Variants in FBN1 observed in about 807,000 individuals in gnomAD.
FBN1 encodes the protein fibrillin 1, also known as fibrillin-1.
A neutral mutation model predicts 365.1 loss-of-function variants in FBN1; 29 were observed. The ratio of observed to expected loss-of-function variants is 0.08; its 90% CI spans 0.06 to 0.11. FBN1 has a LOEUF of 0.11. FBN1 is among the 10% of genes least tolerant of loss of function. The pLI is 1.00. For missense variants in FBN1, 2,476 were observed against 3,703.2 expected (o/e 0.67, Z 8.60); for synonymous variants, 1,210 against 1,270.5 (o/e 0.95, Z 1.01).
chr15:48,581,957 G>A (rs1489985978), intron 6 of FBN1, among the ~76,000 whole-genome samples: 3 of 152,118 alleles, frequency 2.0e-5, no homozygotes, highest in African/African-American at 7.2e-5. Flanking sequence ...AAATATGAAG[G>A]GTTGCCCCAA....
At chr15:48,568,808 G>A (rs954008018) in intron 6 of FBN1, among the ~76,000 whole-genome samples, 1 of 152,078 alleles carries the variant, frequency 6.6e-6, no homozygotes, top group Non-Finnish European at 1.5e-5. Context: ...CAAAACAGTT[G>A]ACCCTCACCT....
At chr15:48,584,499 T>C (rs1403685172) in intron 6 of FBN1, among the ~76,000 whole-genome samples, 1 of 152,254 alleles carries the variant, frequency 6.6e-6, no homozygotes, top group Non-Finnish European at 1.5e-5. Context: ...CACTATCATT[T>C]TGTCTCATTC....
At position 48,421,610 on chromosome 15, in the gene FBN1, G is replaced by A. The variant is rs1184032259; in HGVS notation, c.7647C>T (p.Thr2549=). The A allele has an allele frequency of 1.9e-6, 3 of 1,613,728 alleles. No homozygotes were observed. The Admixed American group carries it at 5.0e-5, about 27-fold the overall frequency. ...GICQNTPGSF[T]CECQRGFSLD... is the part of the protein sequence containing the mutation. ...GTGAGAATCCCCGCTGGCATTCACA[G>A]GTGAAGCTTCCAGGAGTGTTCTGGC... The change falls in exon 62 of 66, where the codon ACC becomes ACT. Residue 2549 remains threonine (T), a synonymous_variant. Transcript: ENST00000316623.
chr15:48,455,864 CAT>C (rs938906882), intron 44 of FBN1, among the ~76,000 whole-genome samples: 1 of 152,028 alleles, frequency 6.6e-6, no homozygotes, highest in Non-Finnish European at 1.5e-5. Context: ...AAAATGTTGA[CAT>C]ATGTGCTATA....
At chr15:48,513,295 A>G (rs777631912) in intron 13 of FBN1, among the ~76,000 whole-genome samples, 1 of 152,254 alleles carries the variant, frequency 6.6e-6, no homozygotes, top group African/African-American at 2.4e-5. Flanking sequence ...AGGCAATAAT[A>G]GTGACGAGAC....
In FBN1 at chr15:48,487,088, C is replaced by A; in HGVS notation, c.3576G>T (p.Arg1192Ser). 1 of 1,611,732 alleles carries A rather than the reference C, an allele frequency of 6.2e-7. No homozygotes were observed. Among genetic ancestry groups the A allele is most frequent in the Non-Finnish European group, 8.5e-7 (1 of 1,178,906 alleles). The change falls in exon 29 of 66, where the codon AGG (arginine) becomes AGT (serine). Residue 1192 changes from arginine to serine, a missense_variant. Physicochemically the swap from Arg to Ser is moderately radical, Grantham distance 110. Around this residue, in one of 5 missense-constraint regions of FBN1, gnomAD observed 1,780 missense variants for 2,840.8 expected, o/e 0.63. Transcript: ENST00000316623. The part of the protein sequence containing the change: ...CNPGYHSTPD[R>S]LFCVDIDECS... Reference sequence around the variant, plus strand: ...AAAAGAACTTACCAACACAAAATAGCCTATCGGGAGTTGAATGGTAGCCAG... The same window carrying A: ...AAAAGAACTTACCAACACAAAATAGACTATCGGGAGTTGAATGGTAGCCAG...
intron 2 of FBN1, among the ~76,000 whole-genome samples, chr15:48,640,105 A>C (rs1346628801): frequency 6.6e-6 from 1 of 152,204 alleles, no homozygotes; most frequent in Non-Finnish European, 1.5e-5. Context: ...GGTTGAAGGG[A>C]AGTCTGTACT....
rs1370633486 is a variant in FBN1, at chr15:48,534,464, AG to A, written c.737-260del. ...CCACCTTCCATGTTTCCTAATGTAG[AG>A]GAGAGTGCATTAACTTTTGCGGGTT... On this transcript the variant is annotated intron_variant, in intron 7 of 65. Transcript: ENST00000316623. Among the ~76,000 whole-genome samples, 4 of 152,354 alleles carry A rather than the reference AG, an allele frequency of 2.6e-5. No homozygotes were observed. The East Asian group carries it at 5.8e-4, about 22-fold the overall frequency.
chr15:48,536,347 AC>A (rs922806288), intron 7 of FBN1, among the ~76,000 whole-genome samples: 1 of 150,902 alleles, frequency 6.6e-6, no homozygotes, highest in African/African-American at 2.4e-5. Flanking sequence ...CATTATCCCC[AC>A]CCCCCCAATT....
chr15:48,643,739 T>G (rs1398212005), intron 2 of FBN1: 1 of 151,834 alleles, frequency 6.6e-6, no homozygotes, highest in East Asian at 1.9e-4. Context: ...ATAAAAGGGG[T>G]CACTGACAGT....
chr15:48,563,306 G>A (rs1253669760), intron 6 of FBN1, among the ~76,000 whole-genome samples: 1 of 152,094 alleles, frequency 6.6e-6, no homozygotes, highest in Non-Finnish European at 1.5e-5. Flanking sequence ...GAGAAACTAA[G>A]GAAGCAACAC....
intron 60 of FBN1, among the ~76,000 whole-genome samples, 192 bp from the exon 61 acceptor site, chr15:48,422,260 C>T (rs1026202492): frequency 4.6e-5 from 7 of 152,120 alleles, no homozygotes; most frequent in Admixed American, 6.5e-5. Flanking sequence ...TCAATTTAGA[C>T]CCTCCTCCCC....
At chr15:48,548,339 T>C (rs781051587) in intron 6 of FBN1, among the ~76,000 whole-genome samples, 10 of 152,180 alleles carry the variant, frequency 6.6e-5, no homozygotes, top group Non-Finnish European at 1.2e-4. Context: ...CAAATATTCA[T>C]CCTGCTCTTT....
intron 36 of FBN1, among the ~76,000 whole-genome samples, chr15:48,470,052 C>T (rs940161323): frequency 6.6e-6 from 1 of 152,124 alleles, no homozygotes; most frequent in Non-Finnish European, 1.5e-5. Context: ...ATGCAAATGG[C>T]TTTCAAAGTC....
At chr15:48,623,484 CAAAT>C (rs1484398094) in intron 2 of FBN1, among the ~76,000 whole-genome samples, 7 of 152,016 alleles carry the variant, frequency 4.6e-5, no homozygotes, top group Non-Finnish European at 8.8e-5. Flanking sequence ...TCAATGTAGA[CAAAT>C]AACACACATA....
chr15:48,497,039 C>CA lies in FBN1; in HGVS notation c.2293+226dup, dbSNP rs3214936. ...TCTGATACATCATTATTTTAAGGAGCAAATCATTTCAAGGAGTGAATCTGA... is the reference window on the plus strand; with the variant it reads ...TCTGATACATCATTATTTTAAGGAGCAAAATCATTTCAAGGAGTGAATCTGA... On this transcript the variant is annotated intron_variant, in intron 19 of 65. Coordinates refer to ENST00000316623, the MANE Select transcript of FBN1 (RefSeq NM_000138.5). Among the ~76,000 whole-genome samples the CA allele has an allele frequency of 0.11, 16,839 of 152,100 alleles. 1,080 individuals carry two copies. The highest frequency in any genetic ancestry group is 0.14 in the Non-Finnish European group (9,288 of 67,974).
intron 4 of FBN1, among the ~76,000 whole-genome samples, chr15:48,603,543 T>C (rs917018510): frequency 6.6e-6 from 1 of 152,364 alleles, no homozygotes. Flanking sequence ...TATTTTGGAT[T>C]CAGTCCTGCC....
At chr15:48,525,104 T>G (rs998974120) in intron 9 of FBN1, among the ~76,000 whole-genome samples, 2 of 145,124 alleles carry the variant, frequency 1.4e-5, no homozygotes, top group African/African-American at 5.2e-5. Flanking sequence ...TTTTTTTTTT[T>G]CAGATGAAGT....
Position 48,612,869 on chromosome 15 carries a change from G to A in FBN1, c.247+141C>T. 9.5e-6 allele frequency: 7 copies of A among 735,250 alleles called. 1 individual carries two copies. The highest frequency in any genetic ancestry group is 9.9e-6 in the Non-Finnish European group (4 of 402,596). The allele number at this position is 735,250 out of a possible 1,614,324, so 45.5% of individuals were successfully genotyped here. On this transcript the variant is annotated intron_variant, in intron 3 of 65. Coordinates refer to ENST00000316623, the MANE Select transcript of FBN1 (RefSeq NM_000138.5). ...GTTGATGTATTTCCCAAACTGGAAA[G>A]GTAGAAAAGTCTTAAAGCTGGAAGG...
Sources: allele counts gnomAD v4.1 joint callset (sites outside exome capture counted in the v4.1 genomes callset), GRCh38; gene constraint gnomAD v4.1.1; regional missense constraint gnomAD v4.1.1; transcripts MANE v1.5; gene names NCBI Gene and HGNC (gene_info 2026-07-23, HGNC 2026-07-21).